The following PTPRK variants were observed in gnomAD, a reference collection of about 807,000 sequenced individuals.
PTPRK encodes protein tyrosine phosphatase receptor type K.
In PTPRK, 75 loss-of-function variants were observed where a neutral mutation model predicts 178.0. That is an observed-to-expected ratio of 0.42 (90% confidence interval 0.35 to 0.51). The LOEUF is 0.51. PTPRK is among the 20% of genes least tolerant of loss of function. The pLI, the probability that PTPRK is intolerant of heterozygous loss-of-function variation, is 0.02. For missense variants in PTPRK, 1,441 were observed against 1,797.8 expected (o/e 0.80, Z 3.59); for synonymous variants, 637 against 620.6 (o/e 1.03, Z -0.39).
intron 7 of PTPRK, among the ~76,000 whole-genome samples, chr6:128,128,184 T>A (rs1025005191): frequency 2.0e-5 from 3 of 152,218 alleles, no homozygotes; most frequent in African/African-American, 7.2e-5. Context: ...TTTATTGAAC[T>A]TTCACACTAA....
intron 7 of PTPRK, among the ~76,000 whole-genome samples, chr6:128,164,378 T>C (rs1396568392): frequency 6.6e-6 from 1 of 151,376 alleles, no homozygotes; most frequent in East Asian, 1.9e-4. Context: ...TTTCAGATGC[T>C]TTATTAATAA....
At chr6:128,236,898 G>A (rs998602518) in intron 5 of PTPRK, among the ~76,000 whole-genome samples, 1 of 151,904 alleles carries the variant, frequency 6.6e-6, no homozygotes, top group African/African-American at 2.4e-5. Context: ...GAACTACCAT[G>A]ATATGCATTA....
At chr6:128,081,925 T>A (rs2114997799) in intron 10 of PTPRK, among the ~76,000 whole-genome samples, 1 of 152,204 alleles carries the variant, frequency 6.6e-6, no homozygotes, top group South Asian at 2.1e-4. Flanking sequence ...AAAATTCTTC[T>A]GTACGTTCCC....
intron 6 of PTPRK, among the ~76,000 whole-genome samples, chr6:128,196,568 A>C (rs1028027370): frequency 6.6e-6 from 1 of 152,132 alleles, no homozygotes; most frequent in Non-Finnish European, 1.5e-5. Context: ...AAAATAAGTC[A>C]TATCATCCAA....
intron 14 of PTPRK, among the ~76,000 whole-genome samples, chr6:128,007,647 CA>C (rs1407376572): frequency 6.6e-6 from 1 of 150,714 alleles, no homozygotes; most frequent in Non-Finnish European, 1.5e-5. Flanking sequence ...GGAGAGTTAT[CA>C]AGACAAATGA....
chr6:128,403,500 G>A (rs1006664507), intron 1 of PTPRK, among the ~76,000 whole-genome samples: 1 of 151,894 alleles, frequency 6.6e-6, no homozygotes, highest in Non-Finnish European at 1.5e-5. Flanking sequence ...TCCCCAGTAC[G>A]ATCAAAATAA....
chr6:128,315,731 C>T (rs912779860), intron 3 of PTPRK, among the ~76,000 whole-genome samples: 1 of 152,104 alleles, frequency 6.6e-6, no homozygotes, highest in Admixed American at 6.5e-5. Flanking sequence ...TTCCTTCTTC[C>T]CACATTCTCT....
intron 7 of PTPRK, among the ~76,000 whole-genome samples, chr6:128,147,520 T>C (rs1242303676): frequency 1.3e-5 from 2 of 151,932 alleles, no homozygotes; most frequent in African/African-American, 4.8e-5. Context: ...AATTGTAAAA[T>C]AGAAAAAAAA....
Position 128,519,154 on chromosome 6 carries a change from G to C in PTPRK, c.100+1105C>G, listed in dbSNP as rs1264948380. On this transcript the variant is annotated intron_variant, in intron 1 of 29. Transcript: ENST00000368226. This position sits in a 1 kb window ranked among gnomAD's most constrained non-coding sequence, Gnocchi z 4.3. ...CAGCCAAGCGAAGCTGGGTAGGTTG[G>C]CCAGAAAAGTTGTCAGGACTGGCGG... 2.0e-6 allele frequency: 1 copy of C among 492,322 alleles called. No individual in the cohort carries two copies. Among genetic ancestry groups the C allele is most frequent in the South Asian group, 1.5e-5 (1 of 66,152 alleles). 30.5% of individuals were successfully genotyped at this position (492,322 alleles called of 1,614,324 possible). A position where few individuals can be genotyped will look rare whatever the true frequency, so the allele number is the denominator to read the frequency against.
Position 128,022,688 on chromosome 6 carries a change from A to T in PTPRK, c.2195-13420T>A, listed in dbSNP as rs1017557297. On this transcript the variant is annotated intron_variant, in intron 13 of 29. Coordinates refer to ENST00000368226, the MANE Select transcript of PTPRK (RefSeq NM_002844.4). Reference sequence around the variant, plus strand: ...ATCAAACAGCTGGCTGGGGGTCCTCAGTATTTCCTGGAACACCTAACCCAC... The same window carrying T: ...ATCAAACAGCTGGCTGGGGGTCCTCTGTATTTCCTGGAACACCTAACCCAC... 5.9e-5 allele frequency among the ~76,000 whole-genome samples: 9 copies of T among 152,312 alleles called. 1 individual carries two copies. The South Asian group carries it at 1.2e-3, about 21-fold the overall frequency.
At chr6:128,430,065 G>A (rs1844636152) in intron 1 of PTPRK, among the ~76,000 whole-genome samples, 1 of 151,946 alleles carries the variant, frequency 6.6e-6, no homozygotes, top group African/African-American at 2.4e-5. Context: ...CACCTTGATG[G>A]ATGAGTATTG....
chr6:128,098,513 C>G (rs1244915365), intron 7 of PTPRK, among the ~76,000 whole-genome samples: 1 of 152,028 alleles, frequency 6.6e-6, no homozygotes, highest in Non-Finnish European at 1.5e-5. Flanking sequence ...TATAGCCAGT[C>G]CATCAGTGGA....
chr6:128,266,221 C>T (rs900599296), intron 3 of PTPRK, among the ~76,000 whole-genome samples: 4 of 152,130 alleles, frequency 2.6e-5, no homozygotes, highest in Non-Finnish European at 5.9e-5. Flanking sequence ...GCTAAAGCTA[C>T]TAGAAGAGCA....
chr6:128,132,882 C>T (rs1345585056), intron 7 of PTPRK, among the ~76,000 whole-genome samples: 1 of 152,052 alleles, frequency 6.6e-6, no homozygotes, highest in Non-Finnish European at 1.5e-5. Context: ...TTCCATCAGC[C>T]CCATTTGAAC....
chr6:128,470,952 GA>G (rs1850569900), intron 1 of PTPRK, among the ~76,000 whole-genome samples: 1 of 147,112 alleles, frequency 6.8e-6, no homozygotes, highest in Non-Finnish European at 1.5e-5. Flanking sequence ...TCACCAAACT[GA>G]AAATAAACAA....
chr6:128,132,364 T>G (rs939991026), intron 7 of PTPRK, among the ~76,000 whole-genome samples: 1 of 152,146 alleles, frequency 6.6e-6, no homozygotes, highest in Non-Finnish European at 1.5e-5. Flanking sequence ...TTAGTAGAGA[T>G]GGGGTTTCAC....
chr6:128,056,930 A>G (rs185956376), intron 13 of PTPRK, among the ~76,000 whole-genome samples: 1 of 152,310 alleles, frequency 6.6e-6, no homozygotes, highest in Non-Finnish European at 1.5e-5. Context: ...TGACTAAATG[A>G]GCTGTCATTT....
chr6:128,374,394 CA>C (rs1836727520), intron 2 of PTPRK, among the ~76,000 whole-genome samples: 1 of 152,120 alleles, frequency 6.6e-6, no homozygotes, highest in African/African-American at 2.4e-5. Flanking sequence ...CCCTGATAAT[CA>C]GACATGCATA....
rs562871774 is a variant in PTPRK at position 128,452,217 on chromosome 6, C to G, written c.101-54529G>C. Among the ~76,000 whole-genome samples the G allele has an allele frequency of 2.0e-4, 31 of 152,084 alleles. 1 individual carries two copies. In the South Asian group the frequency reaches 4.6e-3, roughly 22 times the overall value. On this transcript the variant is annotated intron_variant, in intron 1 of 29. Transcript: ENST00000368226. ...TATTTCATGTGTTTTCATTTTGGTC[C>G]CCTTTCACTTTCTCTGTATTTCCCA... is the stretch of plus-strand genomic sequence containing the variant.
Sources: allele counts gnomAD v4.1 joint callset (sites outside exome capture counted in the v4.1 genomes callset), GRCh38; gene constraint gnomAD v4.1.1; non-coding constraint Gnocchi (gnomAD v3.1); transcripts MANE v1.5; gene names NCBI Gene and HGNC (gene_info 2026-07-23, HGNC 2026-07-21).